LAMA5: variants seen among roughly 807,000 people sequenced by gnomAD.
LAMA5 encodes the protein laminin subunit alpha-5.
A neutral mutation model predicts 433.4 loss-of-function variants in LAMA5; 260 were observed. The observed-to-expected ratio is 0.60, with a 90% CI of 0.54 to 0.66. The LOEUF is 0.66. LAMA5 is among the 30% of genes least tolerant of loss of function. The pLI is 0.00. For missense variants in LAMA5, 5,378 were observed against 5,258.5 expected (o/e 1.02, Z -0.70); for synonymous variants, 2,620 against 2,226.6 (o/e 1.18, Z -4.97).
At chr20:62,345,791 G>A (rs1313483023) in intron 11 of LAMA5, 27 bp downstream of exon 11, 1 of 1,530,228 alleles carries the variant, frequency 6.5e-7, no homozygotes, top group Non-Finnish European at 8.8e-7. Context: ...GGCAGGCCGG[G>A]GACCTGGGGG....
In LAMA5 at chr20:62,312,156, C is replaced by A. The variant is rs546758783; in HGVS notation, c.9504+17G>T. On this transcript the variant is annotated intron_variant, in intron 69 of 79. Coordinates refer to ENST00000252999, the MANE Select transcript of LAMA5 (RefSeq NM_005560.6). Reference sequence around the variant, plus strand: ...GCCACCGCGGGGTGGGGAATGGGCACGGGTGTGAGGTCTCACCGGGGACGC... The same window carrying A: ...GCCACCGCGGGGTGGGGAATGGGCAAGGGTGTGAGGTCTCACCGGGGACGC... The A allele has an allele frequency of 1.9e-6, 3 of 1,610,538 alleles. No homozygotes were observed. Among genetic ancestry groups the A allele is most frequent in the Admixed American group, 1.7e-5 (1 of 59,636 alleles).
At chr20:62,347,477 G>A (rs866728507) in intron 6 of LAMA5, among the ~76,000 whole-genome samples, 1 of 152,270 alleles carries the variant, frequency 6.6e-6, no homozygotes, top group East Asian at 1.9e-4. Flanking sequence ...ACCTCCCTGA[G>A]CCAGAAGGGA....
At position 62,325,338 on chromosome 20, in the gene LAMA5, C is replaced by G; in HGVS notation, c.5507G>C (p.Ser1836Thr). ...SNVELCLCPA[S>T]YRGDSCQECA... ...CACCTGGCATGAGTCCCCCCGGTAG[C>G]TGGCGGGGCACAGGCACAGCTCCAC... Residue 1836 changes from serine to threonine, a missense_variant, in exon 41 of 80, where the codon AGC becomes ACC. Ser to Thr is a moderately conservative substitution (Grantham distance 58). Transcript: ENST00000252999. The G allele has an allele frequency of 6.3e-7, 1 of 1,593,290 alleles. No individual in the cohort carries two copies.
In LAMA5 at chr20:62,310,287, T is replaced by A. The variant is rs1299558921; in HGVS notation, c.10625A>T (p.Asp3542Val). ...TLDLPGATLP[D>V]VGLELEVRPL... ...CCGCACCTCCAGTTCCAGGCCCACA[T>A]CAGGCAGTGTAGCTCCTGGGAGGTC... The change falls in exon 77 of 80, where the codon GAT (aspartate) becomes GTT (valine). Residue 3542 changes from aspartate to valine, a missense_variant. Coordinates refer to ENST00000252999, the MANE Select transcript of LAMA5 (RefSeq NM_005560.6). 1 of 1,609,802 alleles carries A rather than the reference T, an allele frequency of 6.2e-7. No individual in the cohort carries two copies. The highest frequency in any genetic ancestry group is 8.5e-7 in the Non-Finnish European group (1 of 1,178,196).
At chr20:62,329,099 C>T (rs773640979) in intron 33 of LAMA5, 39 bp downstream of exon 33, 3 of 1,612,038 alleles carry the variant, frequency 1.9e-6, no homozygotes, top group Non-Finnish European at 2.5e-6. Flanking sequence ...CGGCCCAGAC[C>T]CCCACCCCGG....
rs746694012 is a variant in LAMA5 at position 62,333,248 on chromosome 20, G to A, written c.3129-5C>T. On this transcript the variant is annotated splice_region_variant and splice_polypyrimidine_tract_variant and intron_variant, in intron 25 of 79. Coordinates refer to ENST00000252999, the MANE Select transcript of LAMA5 (RefSeq NM_005560.6). ...AGGTGTGTGTAGAGGAGGCAGCTGG[G>A]GGGACACAGGCCGTGGTCAGCCCCA... is the stretch of plus-strand genomic sequence containing the variant. 1 of 1,551,330 alleles carries A rather than the reference G, an allele frequency of 6.4e-7. No homozygotes were observed. The highest frequency in any genetic ancestry group is 8.7e-7 in the Non-Finnish European group (1 of 1,145,974).
At chr20:62,319,418 A>G (rs188114061) in intron 51 of LAMA5, among the ~76,000 whole-genome samples, 3 of 151,908 alleles carry the variant, frequency 2.0e-5, no homozygotes, top group Non-Finnish European at 4.4e-5. Flanking sequence ...GCACTACGGG[A>G]TATCTGTGAG....
In LAMA5 at chr20:62,314,410, G is replaced by A. The variant is rs775336556; in HGVS notation, c.8398C>T (p.Arg2800Cys). ...TACACCCAGTGCACCTTCTTGTCAC[G>A]CAGAGACACACCCATGTAGTCCCCA... ...ATGDYMGVSL[R>C]DKKVHWVYQL... Residue 2800 changes from arginine to cysteine, a missense_variant, in exon 62 of 80, where the codon CGT becomes TGT. By Grantham distance (180) the Arg-to-Cys change is radical. Coordinates refer to ENST00000252999, the MANE Select transcript of LAMA5 (RefSeq NM_005560.6). 40 of 1,613,290 alleles carry A rather than the reference G, an allele frequency of 2.5e-5. 1 individual carries two copies. The highest frequency in any genetic ancestry group is 1.6e-4 in the Middle Eastern group (1 of 6,082).
rs745421497 is a variant in LAMA5 at position 62,312,544 on chromosome 20, C to T, written c.9228-12G>A. ...AGAGCCGTCGCAGGCTGTGGGGAAG[C>T]GGGGATGCGGGTCAGGGCGCCACCT... On this transcript the variant is annotated splice_polypyrimidine_tract_variant and intron_variant, in intron 67 of 79. Transcript: ENST00000252999. 2.4e-5 allele frequency: 38 copies of T among 1,598,852 alleles called. No individual in the cohort carries two copies. In the Admixed American group the frequency reaches 3.3e-4, roughly 14 times the overall value.
intron 58 of LAMA5, 21 bp from the exon 59 acceptor site, chr20:62,315,228 G>A (rs1222244525): frequency 1.9e-6 from 3 of 1,586,008 alleles, no homozygotes; most frequent in Non-Finnish European, 2.6e-6. Flanking sequence ...CAGAGGGCAG[G>A]CTCAGCAGGG....
At position 62,317,096 on chromosome 20, in the gene LAMA5, C is replaced by T. The variant is rs1190244629; in HGVS notation, c.7512-73G>A. 6.2e-6 allele frequency: 9 copies of T among 1,454,744 alleles called. No individual in the cohort carries two copies. The South Asian group carries it at 1.0e-4, about 16-fold the overall frequency. 90.1% of individuals were successfully genotyped at this position (1,454,744 alleles called of 1,614,324 possible). A position where few individuals can be genotyped will look rare whatever the true frequency, so the allele number is the denominator to read the frequency against. ...CGGCCTGGCTCTCCAGCCTCCTGCG[C>T]TCACAACCAGCCGTGCCCGTGCCTG... On this transcript the variant is annotated intron_variant, in intron 55 of 79. Coordinates refer to ENST00000252999, the MANE Select transcript of LAMA5 (RefSeq NM_005560.6).
In LAMA5 at chr20:62,333,160, A is replaced by G. The variant is rs778103382; in HGVS notation, c.3212T>C (p.Leu1071Pro). 48 of 1,514,154 alleles carry G rather than the reference A, an allele frequency of 3.2e-5. No homozygotes were observed. The highest frequency in any genetic ancestry group is 4.1e-5 in the Non-Finnish European group (47 of 1,133,424). The allele number at this position is 1,514,154 out of a possible 1,614,324, so 93.8% of individuals were successfully genotyped here. ...CTGCTCCGTGGGGCAGGGCCGGGGCAGGCTGTTGTCCTGGCGACACAGGGC... is the reference window on the plus strand; with the variant it reads ...CTGCTCCGTGGGGCAGGGCCGGGGCGGGCTGTTGTCCTGGCGACACAGGGC... ...LEALCRQDNS[L>P]PRPCPTEQLS... Residue 1071 changes from leucine (L) to proline (P), a missense_variant, in exon 26 of 80, where the codon CTG (leucine) becomes CCG (proline). By Grantham distance (98) the Leu-to-Pro change is moderately conservative. Transcript: ENST00000252999.
intron 40 of LAMA5, 152 bp from the exon 41 acceptor site, chr20:62,325,698 T>C (rs1979173998): frequency 3.6e-6 from 2 of 557,538 alleles, no homozygotes; most frequent in Non-Finnish European, 6.3e-6. Flanking sequence ...CAGTCTCCCA[T>C]GAGGCCAGCC....
Position 62,336,352 on chromosome 20 carries a change from C to T in LAMA5, c.2311G>A (p.Glu771Lys), listed in dbSNP as rs766638363. ...AGGGCACACTCACGGGTACAGCCCTCGGGGTTGCTGGGGCTCAGTCCCCAG... is the reference window on the plus strand; with the variant it reads ...AGGGCACACTCACGGGTACAGCCCTTGGGGTTGCTGGGGCTCAGTCCCCAG... ...GFWGLSPSNP[E>K]GCTRCSCDLR... The change falls in exon 18 of 80, where the codon GAG becomes AAG. Residue 771 changes from glutamate to lysine, a missense_variant. Transcript: ENST00000252999. 1.1e-5 allele frequency: 18 copies of T among 1,610,458 alleles called. No homozygotes were observed. Among genetic ancestry groups the T allele is most frequent in the Admixed American group, 3.3e-5 (2 of 59,776 alleles).
At chr20:62,344,916 A>G (rs934878263) in intron 11 of LAMA5, among the ~76,000 whole-genome samples, 1 of 152,234 alleles carries the variant, frequency 6.6e-6, no homozygotes, top group African/African-American at 2.4e-5. Flanking sequence ...TAATCACAGG[A>G]CAGGGTGCAG....
In LAMA5 at chr20:62,316,919, G is replaced by T; in HGVS notation, c.7616C>A (p.Ala2539Asp). 6.5e-7 allele frequency: 1 copy of T among 1,548,680 alleles called. No homozygotes were observed. The highest frequency in any genetic ancestry group is 8.7e-7 in the Non-Finnish European group (1 of 1,145,288). ...LQAVQAAEDAAGQALQQADHT... is the reference protein window; with the variant it reads ...LQAVQAAEDADGQALQQADHT... ...GTCCGCCTGCTGCAGGGCCTGGCCA[G>T]CAGCATCCTCGGCAGCCTGCACGGC... The change falls in exon 56 of 80, where the codon GCT (alanine) becomes GAT (aspartate). Residue 2539 changes from alanine (A) to aspartate (D), a missense_variant. By Grantham distance (126) the Ala-to-Asp change is moderately radical. Transcript: ENST00000252999.
rs1980201350 is a variant in LAMA5, at chr20:62,330,689, G to C, written c.3852+54C>G. The C allele has an allele frequency of 5.1e-6, 8 of 1,557,936 alleles. No individual in the cohort carries two copies. The South Asian group carries it at 9.5e-5, about 18-fold the overall frequency. The stretch of plus-strand genomic sequence containing the variant: ...CCCCTGGACAACCTGCCCTGGGTTG[G>C]GACCCGGAGTCCTGCCCTGACACCC... On this transcript the variant is annotated intron_variant, in intron 30 of 79. Coordinates refer to ENST00000252999, the MANE Select transcript of LAMA5 (RefSeq NM_005560.6).
intron 53 of LAMA5, 146 bp downstream of exon 53, chr20:62,318,302 GGGAAGA>G: frequency 3.6e-6 from 1 of 274,238 alleles, no homozygotes; most frequent in Non-Finnish European, 6.6e-6. Flanking sequence ...GGAGGAGGGG[GGGAAGA>G]AGAGGAGGAG....
chr20:62,354,836 G>GAGCCCCTCCCC (rs1250224546), intron 2 of LAMA5, among the ~76,000 whole-genome samples: 1 of 152,116 alleles, frequency 6.6e-6, no homozygotes, highest in East Asian at 1.9e-4. Flanking sequence ...AAGGGAGGGT[G>GAGCCCCTCCCC]AGCCCCTCCC....
Sources: allele counts gnomAD v4.1 joint callset (sites outside exome capture counted in the v4.1 genomes callset), GRCh38; gene constraint gnomAD v4.1.1; transcripts MANE v1.5; gene names NCBI Gene and HGNC (gene_info 2026-07-23, HGNC 2026-07-21).